Variants in CUL2 observed in about 807,000 individuals in gnomAD.
CUL2 encodes the protein cullin 2.
Under a neutral mutation model 110.2 loss-of-function variants are expected in CUL2, and 22 were observed. The observed-to-expected ratio is 0.20, with a 90% CI of 0.14 to 0.28. The LOEUF (loss-of-function observed/expected upper bound fraction) is 0.28. Ranked by LOEUF, CUL2 falls within the 10% of genes least tolerant of loss-of-function variation. CUL2 has a pLI of 1.00. For missense variants in CUL2, 631 were observed against 905.5 expected, an observed-to-expected ratio of 0.70 and a Z score of 3.89; for synonymous variants, 279 against 293.2, an observed-to-expected ratio of 0.95 and a Z score of 0.49.
chr10:35,067,998 T>C (rs1477790972), intron 2 of CUL2, among the ~76,000 whole-genome samples: 3 of 150,506 alleles, frequency 2.0e-5, no homozygotes, highest in African/African-American at 7.3e-5. Context: ...TAGTCCCAGC[T>C]ACTCGGGAGG....
chr10:35,021,280 G>A (rs910426969), intron 17 of CUL2, among the ~76,000 whole-genome samples: 17 of 149,004 alleles, frequency 1.1e-4, no homozygotes, highest in Non-Finnish European at 1.9e-4. Context: ...TTTTTGAGAC[G>A]GAGTCTTGCT....
At chr10:35,060,182 T>C (rs1486468973) in intron 4 of CUL2, among the ~76,000 whole-genome samples, 1 of 152,078 alleles carries the variant, frequency 6.6e-6, no homozygotes, top group Non-Finnish European at 1.5e-5. Context: ...GTGGGAGGAT[T>C]GCTAGGGCCC....
exon 2 of CUL2, chr10:35,101,038 CAG>C (rs2087370907): frequency 6.6e-6 from 1 of 152,112 alleles, no homozygotes; most frequent in South Asian, 2.1e-4. Flanking sequence ...TTGGAACAAT[CAG>C]GAATGGAGAG....
intron 1 of CUL2, among the ~76,000 whole-genome samples, chr10:35,106,250 C>T (rs1426879656): frequency 6.6e-6 from 1 of 151,918 alleles, no homozygotes; most frequent in Non-Finnish European, 1.5e-5. Context: ...GGGCCTTCAC[C>T]AGACACACCT....
chr10:35,032,608 C>A, intron 11 of CUL2, 114 bp from the exon 12 acceptor site: 1 of 682,752 alleles, frequency 1.5e-6, no homozygotes, highest in Non-Finnish European at 2.4e-6. Context: ...TAAAACACAG[C>A]ATTGCCGGTA....
chr10:35,014,671 A>G lies in CUL2; in HGVS notation c.1888-871T>C, dbSNP rs150505722. 8.1e-3 allele frequency among the ~76,000 whole-genome samples: 1,237 copies of G among 152,108 alleles called. 7 individuals are homozygous for G. Among genetic ancestry groups the G allele is most frequent in the South Asian group, 0.038 (184 of 4,812 alleles). On this transcript the variant is annotated intron_variant, in intron 18 of 20. Coordinates refer to ENST00000374749, the MANE Select transcript of CUL2 (RefSeq NM_003591.4). Reference sequence around the variant, plus strand: ...AACAAAGCAAAACCCGGTCTCTACTAAAAATTAAAAAATTAGCCTGGCATA... The same window carrying G: ...AACAAAGCAAAACCCGGTCTCTACTGAAAATTAAAAAATTAGCCTGGCATA...
chr10:35,039,250 TTTTA>T (rs1303010279), intron 8 of CUL2, among the ~76,000 whole-genome samples, 168 bp from the exon 9 acceptor site: 1 of 152,250 alleles, frequency 6.6e-6, no homozygotes, highest in Non-Finnish European at 1.5e-5. Flanking sequence ...CATTTCAAAT[TTTTA>T]TTTAAGCTAC....
At chr10:35,043,236 C>T (rs4934704) in intron 8 of CUL2, among the ~76,000 whole-genome samples, 51,413 of 151,914 alleles carry the variant, frequency 0.34, 8,800 homozygotes, top group Non-Finnish European at 0.35. Context: ...GACAGCCAGA[C>T]AGAGCAAAGT....
chr10:35,051,506 G>C, intron 5 of CUL2, among the ~76,000 whole-genome samples: 1 of 152,080 alleles, frequency 6.6e-6, no homozygotes, highest in South Asian at 2.1e-4. Context: ...CCAGCTACTC[G>C]GGAGGCTGAG....
chr10:35,041,941 C>A (rs992853172), intron 8 of CUL2, among the ~76,000 whole-genome samples: 1 of 152,160 alleles, frequency 6.6e-6, no homozygotes, highest in Non-Finnish European at 1.5e-5. Flanking sequence ...TTAAATAATT[C>A]ACCCATTTAA....
chr10:35,080,631 G>A (rs2086925031), intron 1 of CUL2, among the ~76,000 whole-genome samples: 1 of 151,792 alleles, frequency 6.6e-6, no homozygotes, highest in Non-Finnish European at 1.5e-5. Flanking sequence ...CTACTTTTTT[G>A]TATTTGTAGA....
intron 17 of CUL2, among the ~76,000 whole-genome samples, chr10:35,016,864 T>C (rs1241882263): frequency 3.4e-5 from 5 of 146,762 alleles, no homozygotes; most frequent in Non-Finnish European, 6.0e-5. Context: ...GAGGCGGAGG[T>C]TGCAGCAAGC....
intron 16 of CUL2, among the ~76,000 whole-genome samples, chr10:35,026,756 A>G (rs1216763582): frequency 6.6e-6 from 1 of 152,218 alleles, no homozygotes. Context: ...ACCTTCCTTG[A>G]TTATATCATT....
chr10:35,082,591 A>C (rs1589047750), intron 1 of CUL2, among the ~76,000 whole-genome samples: 1 of 152,184 alleles, frequency 6.6e-6, no homozygotes, highest in East Asian at 1.9e-4. Flanking sequence ...AGTGCTTAAA[A>C]ACTAGATCAC....
chr10:35,036,993 G>A (rs2085638695), intron 9 of CUL2, among the ~76,000 whole-genome samples: 2 of 152,082 alleles, frequency 1.3e-5, no homozygotes, highest in Non-Finnish European at 2.9e-5. Flanking sequence ...CCTCTTAATG[G>A]CCTTTTAATA....
In CUL2 at chr10:35,059,006, T is replaced by A. The variant is rs184204472; in HGVS notation, c.317+1868A>T. 2.2e-4 allele frequency among the ~76,000 whole-genome samples: 33 copies of A among 152,260 alleles called. No homozygotes were observed. In the East Asian group the frequency reaches 6.0e-3, roughly 28 times the overall value. On this transcript the variant is annotated intron_variant, in intron 4 of 20. Transcript: ENST00000374749. The stretch of plus-strand genomic sequence containing the variant: ...AACATCAAGAGAACTCAGAAGTGGA[T>A]CCTGAAGATGGGACTGAATTGCTGC...
intron 1 of CUL2, among the ~76,000 whole-genome samples, chr10:35,084,934 A>C (rs1417794948): frequency 2.6e-5 from 4 of 152,086 alleles, no homozygotes; most frequent in Non-Finnish European, 5.9e-5. Context: ...CCTGGCCAAC[A>C]TGGTGAAACC....
At chr10:35,012,087 T>A in intron 19 of CUL2, 123 bp from the exon 20 acceptor site, 1 of 602,124 alleles carries the variant, frequency 1.7e-6, no homozygotes, top group Admixed American at 3.0e-5. Context: ...AGGGTTTCAC[T>A]CTGTCGTCCT....
At chr10:35,064,667 C>T (rs1490632978) in intron 2 of CUL2, among the ~76,000 whole-genome samples, 1 of 151,946 alleles carries the variant, frequency 6.6e-6, no homozygotes, top group Admixed American at 6.6e-5. Flanking sequence ...TTTATCAGTT[C>T]TATTTATATA....
Sources: gnomAD v4.1 joint callset for allele counts (sites outside exome capture counted in the v4.1 genomes callset) on GRCh38, gnomAD v4.1.1 for gene constraint, MANE v1.5 for transcripts, NCBI Gene and HGNC (gene_info 2026-07-23, HGNC 2026-07-21) for gene names.